KLHL29: variants seen among roughly 807,000 people sequenced by gnomAD.
The protein encoded by KLHL29 is kelch-like protein 29.
In KLHL29, 21 loss-of-function variants were observed where a neutral mutation model predicts 80.4. The ratio of observed to expected loss-of-function variants is 0.26; its 90% CI spans 0.19 to 0.38. The LOEUF is 0.38. Among genes scored for constraint, KLHL29 ranks in the 10% least tolerant of loss-of-function variants. KLHL29 has a pLI of 1.00. For missense variants in KLHL29, 867 were observed against 1,223.9 expected (o/e 0.71, Z 4.35); for synonymous variants, 511 against 526.8 (o/e 0.97, Z 0.41).
At position 23,385,647 on chromosome 2, in the gene KLHL29, C is replaced by T. The variant is rs1307707483; in HGVS notation, c.-287C>T. The stretch of plus-strand genomic sequence containing the variant: ...CGAGGAGGAGGACCTGGATCCGTTT[C>T]CTCCGGCCAGGACCCGAGCGGCCCC... On this transcript the variant is annotated 5_prime_UTR_variant, in exon 1 of 14. Coordinates refer to ENST00000486442, the MANE Select transcript of KLHL29 (RefSeq NM_052920.2). The T allele has an allele frequency of 1.2e-5, 2 of 166,476 alleles. No homozygotes were observed. Among genetic ancestry groups the T allele is most frequent in the Admixed American group, 6.6e-5 (1 of 15,204 alleles). The allele number at this position is 166,476 out of a possible 1,614,324, so 10.3% of individuals were successfully genotyped here.
rs139854605 is a variant in KLHL29 at position 23,681,190 on chromosome 2, C to G, written c.941-3209C>G. On this transcript the variant is annotated intron_variant, in intron 5 of 13. Transcript: ENST00000486442. This position sits in a 1 kb window ranked among gnomAD's most constrained non-coding sequence, Gnocchi z 4.2. ...CAGCAGCCCGCACACACCAGCCAAT[C>G]GATACTAGGAATGCACTTGGGGCCT... 9.9e-5 allele frequency among the ~76,000 whole-genome samples: 15 copies of G among 152,202 alleles called. No individual in the cohort carries two copies. The highest frequency in any genetic ancestry group is 1.8e-4 in the Non-Finnish European group (12 of 68,036).
intron 3 of KLHL29, among the ~76,000 whole-genome samples, chr2:23,624,610 G>A (rs542119985): frequency 1.2e-4 from 18 of 152,210 alleles, no homozygotes; most frequent in Non-Finnish European, 2.1e-4. Flanking sequence ...TCCCATAGAT[G>A]TGGTTTCGAA....
intron 5 of KLHL29, among the ~76,000 whole-genome samples, chr2:23,671,784 T>A (rs1670771503): frequency 1.3e-5 from 2 of 152,186 alleles, no homozygotes; most frequent in Non-Finnish European, 1.5e-5. Context: ...AGCCAGCCAC[T>A]TCTGGAACCT....
chr2:23,560,866 G>A (rs978660965), intron 2 of KLHL29, among the ~76,000 whole-genome samples: 6 of 152,228 alleles, frequency 3.9e-5, no homozygotes, highest in Non-Finnish European at 8.8e-5. Flanking sequence ...AGGTCTGGAT[G>A]TGCAAAGTCT....
At chr2:23,508,804 C>A (rs1246110795) in intron 2 of KLHL29, among the ~76,000 whole-genome samples, 1 of 152,212 alleles carries the variant, frequency 6.6e-6, no homozygotes, top group Non-Finnish European at 1.5e-5. Context: ...CAACATCTAT[C>A]CCTGATTGCA....
At chr2:23,512,598 T>A (rs1345711402) in intron 2 of KLHL29, among the ~76,000 whole-genome samples, 2 of 152,112 alleles carry the variant, frequency 1.3e-5, no homozygotes, top group Non-Finnish European at 2.9e-5. Context: ...CCCAAATGAG[T>A]GATGTTCTGC....
intron 1 of KLHL29, among the ~76,000 whole-genome samples, chr2:23,406,810 G>A (rs1666749207): frequency 6.6e-6 from 1 of 152,102 alleles, no homozygotes; most frequent in African/African-American, 2.4e-5. Flanking sequence ...TAGAGTTCTA[G>A]AAATAGAATT....
chr2:23,586,327 A>G (rs1368640641), intron 3 of KLHL29, among the ~76,000 whole-genome samples: 1 of 148,640 alleles, frequency 6.7e-6, no homozygotes, highest in Non-Finnish European at 1.5e-5. Context: ...CATTAAGAGC[A>G]GCCTCCCCCC....
At chr2:23,597,403 ATATATTTTTTTTTTTTTTTTT>A (rs1187713080) in intron 3 of KLHL29, among the ~76,000 whole-genome samples, 2 of 39,758 alleles carry the variant, frequency 5.0e-5, no homozygotes, top group East Asian at 7.4e-4. Context: ...ATATATATAT[ATATATTTTTTTTTTTTTTTTT>A]TTTTTTTTTT....
intron 1 of KLHL29, among the ~76,000 whole-genome samples, chr2:23,437,916 G>C (rs193186942): frequency 6.6e-6 from 1 of 151,992 alleles, no homozygotes; most frequent in Non-Finnish European, 1.5e-5. Flanking sequence ...GGCCATTTTC[G>C]CAATATTGAT....
intron 1 of KLHL29, among the ~76,000 whole-genome samples, chr2:23,389,175 A>G (rs1666258619): frequency 6.6e-6 from 1 of 151,922 alleles, no homozygotes; most frequent in African/African-American, 2.4e-5. Context: ...AATACAATAT[A>G]TATTTAGTCA....
intron 1 of KLHL29, among the ~76,000 whole-genome samples, chr2:23,430,700 T>G (rs1469940599): frequency 6.6e-6 from 1 of 152,212 alleles, no homozygotes; most frequent in Non-Finnish European, 1.5e-5. Context: ...CCACAGGATC[T>G]CTTCCTTGCT....
At chr2:23,659,476 T>C (rs1330429964) in intron 5 of KLHL29, among the ~76,000 whole-genome samples, 1 of 152,140 alleles carries the variant, frequency 6.6e-6, no homozygotes, top group Non-Finnish European at 1.5e-5. Context: ...CCCAGAGCCT[T>C]GTCCTCAACC....
intron 5 of KLHL29, among the ~76,000 whole-genome samples, chr2:23,646,691 G>A (rs571811372): frequency 6.4e-4 from 97 of 152,230 alleles, no homozygotes; most frequent in African/African-American, 2.3e-3. Flanking sequence ...TTCCTATTCT[G>A]GCACTGGACT....
chr2:23,580,584 A>G (rs1466681399), intron 3 of KLHL29, among the ~76,000 whole-genome samples: 1 of 57,948 alleles, frequency 1.7e-5, no homozygotes, highest in African/African-American at 4.2e-5. Context: ...CTGAGGCAAC[A>G]GGATTGCTTG....
At chr2:23,498,110 C>G (rs904370359) in intron 2 of KLHL29, among the ~76,000 whole-genome samples, 1 of 152,192 alleles carries the variant, frequency 6.6e-6, no homozygotes, top group Non-Finnish European at 1.5e-5. Context: ...GCACCAAAAT[C>G]TACTCTTAGC....
Position 23,539,554 on chromosome 2 carries a change from G to C in KLHL29, c.-45-22598G>C, listed in dbSNP as rs541512096. On this transcript the variant is annotated intron_variant, in intron 2 of 13. Coordinates refer to ENST00000486442, the MANE Select transcript of KLHL29 (RefSeq NM_052920.2). ...CCTCCCAGGCTCAAGCCGTCCTCCT[G>C]CCCCAGCCTTCTGAGTTGCTGGGAC... 3.3e-4 allele frequency among the ~76,000 whole-genome samples: 49 copies of C among 146,526 alleles called. 1 individual carries two copies. The highest frequency in any genetic ancestry group is 3.3e-3 in the Admixed American group (46 of 14,040).
chr2:23,660,970 G>T (rs939883328), intron 5 of KLHL29, among the ~76,000 whole-genome samples: 4 of 152,096 alleles, frequency 2.6e-5, no homozygotes, highest in South Asian at 2.1e-4. Context: ...GGTAGAGGTT[G>T]CAGTGAGCTG....
At chr2:23,654,402 A>G (rs1296688640) in intron 5 of KLHL29, among the ~76,000 whole-genome samples, 1 of 152,176 alleles carries the variant, frequency 6.6e-6, no homozygotes, top group Non-Finnish European at 1.5e-5. Flanking sequence ...AAGGCTCCTA[A>G]TCCATCTGCT....
Sources: allele counts gnomAD v4.1 joint callset (sites outside exome capture counted in the v4.1 genomes callset), GRCh38; gene constraint gnomAD v4.1.1; non-coding constraint Gnocchi (gnomAD v3.1); transcripts MANE v1.5; gene names NCBI Gene and HGNC (gene_info 2026-07-23, HGNC 2026-07-21).